Variants in RAP1B observed in about 807,000 individuals in gnomAD.
The protein encoded by RAP1B is ras-related protein Rap-1b.
Under a neutral mutation model 27.5 loss-of-function variants are expected in RAP1B, and 1 was observed. The observed-to-expected ratio is 0.04, with a 90% CI of 0.01 to 0.17. The LOEUF (loss-of-function observed/expected upper bound fraction) is 0.17, where lower values mean the gene tolerates loss of function less well. Among genes scored for constraint, RAP1B ranks in the 10% least tolerant of loss-of-function variants. The probability of loss-of-function intolerance (pLI) is 1.00; values close to 1 mark genes in which losing one functional copy is unlikely to be tolerated. For missense variants in RAP1B, 84 were observed against 214.8 expected (o/e 0.39, Z 3.81); for synonymous variants, 75 against 73.1 (o/e 1.03, Z -0.13).
At chr12:68,642,516 A>T (rs12817631) in intron 1 of RAP1B, 1 of 970,776 alleles carries the variant, frequency 1.0e-6, no homozygotes, top group South Asian at 1.3e-5. Flanking sequence ...ACTCAATTTT[A>T]TAAATTCTCG....
chr12:68,633,227 C>T lies in RAP1B; in HGVS notation c.-26-15472C>T, dbSNP rs995057334. Among the ~76,000 whole-genome samples the T allele has an allele frequency of 2.0e-5, 3 of 151,998 alleles. No individual in the cohort carries two copies. The East Asian group carries it at 5.8e-4, about 29-fold the overall frequency. On this transcript the variant is annotated intron_variant, in intron 1 of 7. Coordinates refer to ENST00000250559, the MANE Select transcript of RAP1B (RefSeq NM_001010942.3). Reference sequence around the variant, plus strand: ...TCCCCCATACCTCCACTGAACCCCCCACCACCCATGACTTGATGACTTCAA... The same window carrying T: ...TCCCCCATACCTCCACTGAACCCCCTACCACCCATGACTTGATGACTTCAA...
intron 1 of RAP1B, among the ~76,000 whole-genome samples, chr12:68,635,142 GCTTT>G (rs1257258206): frequency 1.3e-5 from 2 of 152,068 alleles, no homozygotes; most frequent in African/African-American, 2.4e-5. Flanking sequence ...CATTTTAGCA[GCTTT>G]CTATTTATTT....
chr12:68,634,627 T>TC (rs2135939063), intron 1 of RAP1B, among the ~76,000 whole-genome samples: 1 of 151,970 alleles, frequency 6.6e-6, no homozygotes, highest in South Asian at 2.1e-4. Context: ...TCTCTCCTTT[T>TC]TTAAAAAATC....
At chr12:68,635,221 A>AT (rs970507985) in intron 1 of RAP1B, among the ~76,000 whole-genome samples, 6 of 151,996 alleles carry the variant, frequency 3.9e-5, no homozygotes, top group Admixed American at 6.6e-5. Flanking sequence ...TGGGCCCCTT[A>AT]TTTTTTCCTT....
intron 1 of RAP1B, chr12:68,642,549 G>T: frequency 1.9e-6 from 2 of 1,044,256 alleles, no homozygotes; most frequent in Non-Finnish European, 1.5e-6. Context: ...GGCCAATAAG[G>T]ATACTTTTTC....
chr12:68,641,172 G>T (rs574463017), intron 1 of RAP1B: 1 of 152,334 alleles, frequency 6.6e-6, no homozygotes, highest in African/African-American at 2.4e-5. Context: ...CACTACACTT[G>T]GCTAATTTTC....
intron 1 of RAP1B, among the ~76,000 whole-genome samples, chr12:68,626,441 C>T (rs1481498961): frequency 6.6e-6 from 1 of 152,076 alleles, no homozygotes; most frequent in Non-Finnish European, 1.5e-5. Context: ...TATTATAGGG[C>T]GTTTTTGATG....
chr12:68,659,323 C>A lies in RAP1B; in HGVS notation c.*74C>A, dbSNP rs946736080. 2.2e-6 allele frequency: 1 copy of A among 456,108 alleles called. No homozygotes were observed. The highest frequency in any genetic ancestry group is 4.4e-6 in the Non-Finnish European group (1 of 226,576). The allele number at this position is 456,108 out of a possible 1,614,324, so 28.3% of individuals were successfully genotyped here. On this transcript the variant is annotated 3_prime_UTR_variant, in exon 8 of 8. Transcript: ENST00000250559. ...CAATTCAACAGTGCCAGCATTCCAA[C>A]TTTGTTAAACCTACCAACATCTTAA...
intron 1 of RAP1B, among the ~76,000 whole-genome samples, chr12:68,632,911 C>G (rs1214794541): frequency 6.6e-6 from 1 of 152,084 alleles, no homozygotes; most frequent in African/African-American, 2.4e-5. Context: ...CCCAAGCAGT[C>G]CTCCCACTCA....
intron 6 of RAP1B, 48 bp from the exon 7 acceptor site, chr12:68,657,053 G>A (rs1458128243): frequency 2.1e-6 from 3 of 1,427,762 alleles, no homozygotes; most frequent in Non-Finnish European, 2.0e-6. Context: ...TTCATTGGGG[G>A]GGATAGGTGT....
Position 68,650,484 on chromosome 12 carries a change from G to A in RAP1B, c.126+16G>A, listed in dbSNP as rs531534488. ...TTATAGAAAGGTATATATTACTTTG[G>A]AAGGCCTTTTGCTTTTGATTTTAAT... On this transcript the variant is annotated intron_variant, in intron 3 of 7. Coordinates refer to ENST00000250559, the MANE Select transcript of RAP1B (RefSeq NM_001010942.3). 1.8e-5 allele frequency: 27 copies of A among 1,476,154 alleles called. No individual in the cohort carries two copies. In the South Asian group the frequency reaches 3.2e-4, roughly 17 times the overall value. 91.4% of individuals were successfully genotyped at this position (1,476,154 alleles called of 1,614,324 possible).
intron 7 of RAP1B, among the ~76,000 whole-genome samples, chr12:68,658,609 T>C (rs1874395733): frequency 6.6e-6 from 1 of 152,362 alleles, no homozygotes; most frequent in South Asian, 2.1e-4. Flanking sequence ...AAGTTTACTT[T>C]TTAAAATCTT....
chr12:68,637,305 A>T (rs1273748315), intron 1 of RAP1B, among the ~76,000 whole-genome samples: 1 of 152,118 alleles, frequency 6.6e-6, no homozygotes, highest in Non-Finnish European at 1.5e-5. Context: ...AGATTAAGAC[A>T]CCAGCCTAGA....
intron 1 of RAP1B, among the ~76,000 whole-genome samples, chr12:68,645,128 G>C (rs1010917872): frequency 6.6e-6 from 1 of 152,120 alleles, no homozygotes; most frequent in East Asian, 1.9e-4. Context: ...TTCAGGTTCT[G>C]GGAATATGGC....
At chr12:68,649,607 C>T (rs1253940736) in intron 2 of RAP1B, 1 of 152,196 alleles carries the variant, frequency 6.6e-6, no homozygotes, top group Non-Finnish European at 1.5e-5. Context: ...GACCTTCTGT[C>T]TCACTCATAA....
At chr12:68,630,952 T>C (rs1222716037) in intron 1 of RAP1B, among the ~76,000 whole-genome samples, 1 of 152,136 alleles carries the variant, frequency 6.6e-6, no homozygotes, top group African/African-American at 2.4e-5. Flanking sequence ...TCATGTACTT[T>C]GGCAGATTCG....
chr12:68,613,911 A>G (rs769315544), intron 1 of RAP1B, among the ~76,000 whole-genome samples: 20 of 152,192 alleles, frequency 1.3e-4, no homozygotes, highest in African/African-American at 1.9e-4. Context: ...CAGAATTCCA[A>G]TATTTTCTCT....
intron 1 of RAP1B, among the ~76,000 whole-genome samples, chr12:68,618,574 C>T (rs1871181953): frequency 1.3e-5 from 2 of 152,260 alleles, no homozygotes; most frequent in Middle Eastern, 3.4e-3. Flanking sequence ...AAGTGCAAAA[C>T]TATTTTTATA....
Position 68,642,549 on chromosome 12 carries a change from G to A in RAP1B, c.-26-6150G>A. 4.8e-6 allele frequency: 5 copies of A among 1,044,256 alleles called. No individual in the cohort carries two copies. The South Asian group carries it at 6.3e-5, about 13-fold the overall frequency. The allele number at this position is 1,044,256 out of a possible 1,614,324, so 64.7% of individuals were successfully genotyped here. ...TCGATTAGTTGGTGAGGCCAATAAG[G>A]ATACTTTTTCTCGTCTAATTTGGTT... On this transcript the variant is annotated intron_variant, in intron 1 of 7. Coordinates refer to ENST00000250559, the MANE Select transcript of RAP1B (RefSeq NM_001010942.3).
Sources: allele counts gnomAD v4.1 joint callset (sites outside exome capture counted in the v4.1 genomes callset), GRCh38; gene constraint gnomAD v4.1.1; transcripts MANE v1.5; gene names NCBI Gene and HGNC (gene_info 2026-07-23, HGNC 2026-07-21).